MOB1A: variants seen among roughly 807,000 people sequenced by gnomAD.
MOB1A encodes MOB kinase activator 1A.
A neutral mutation model predicts 25.1 loss-of-function variants in MOB1A; 10 were observed. That is an observed-to-expected ratio of 0.40 (90% confidence interval 0.25 to 0.68). The LOEUF (loss-of-function observed/expected upper bound fraction) is 0.68. Among genes scored for constraint, MOB1A ranks in the 30% least tolerant of loss-of-function variants. The pLI is 0.40. For synonymous variants in MOB1A, 81 were observed against 79.5 expected (o/e 1.02, Z -0.10); for missense variants, 177 against 256.3 (o/e 0.69, Z 2.11).
chr2:74,172,509 G>A (rs1693321608), intron 2 of MOB1A, 77 bp downstream of exon 2: 1 of 1,396,488 alleles, frequency 7.2e-7, no homozygotes, highest in African/African-American at 1.4e-5. Flanking sequence ...AGTTCTAACT[G>A]TAAAAGAAAA....
rs927789812 is a variant in MOB1A, at chr2:74,152,686, T to C, written c.*3882A>G. 7 of 152,132 alleles carry C rather than the reference T, an allele frequency of 4.6e-5. No homozygotes were observed. Among genetic ancestry groups the C allele is most frequent in the South Asian group, 2.1e-4 (1 of 4,834 alleles). 9.4% of individuals were successfully genotyped at this position (152,132 alleles called of 1,614,324 possible). A position where few individuals can be genotyped will look rare whatever the true frequency, so the allele number is the denominator to read the frequency against. On this transcript the variant is annotated 3_prime_UTR_variant, in exon 6 of 6. Coordinates refer to ENST00000396049, the MANE Select transcript of MOB1A (RefSeq NM_018221.5). Reference sequence around the variant, plus strand: ...AGTACAGTTAACTGACTTAGAAAAATAGATAAAGCCCCTAAGGATTTTAAA... The same window carrying C: ...AGTACAGTTAACTGACTTAGAAAAACAGATAAAGCCCCTAAGGATTTTAAA...
At chr2:74,168,121 A>G (rs1194181884) in intron 2 of MOB1A, among the ~76,000 whole-genome samples, 2 of 152,172 alleles carry the variant, frequency 1.3e-5, no homozygotes, top group Admixed American at 6.5e-5. Flanking sequence ...CCTGGGTGAC[A>G]GAGACACTGT....
Position 74,155,873 on chromosome 2 carries a change from G to T in MOB1A, c.*695C>A, listed in dbSNP as rs1340119416. 1 of 152,124 alleles carries T rather than the reference G, an allele frequency of 6.6e-6. No homozygotes were observed. The highest frequency in any genetic ancestry group is 2.4e-5 in the African/African-American group (1 of 41,394). The allele number at this position is 152,124 out of a possible 1,614,324, so 9.4% of individuals were successfully genotyped here. On this transcript the variant is annotated 3_prime_UTR_variant, in exon 6 of 6. Coordinates refer to ENST00000396049, the MANE Select transcript of MOB1A (RefSeq NM_018221.5). ...TGATACACACACTCCTAATAATTTA[G>T]ATAGATATGAAAACAATCTCAAATA...
chr2:74,169,346 A>G (rs1693218318), intron 2 of MOB1A, among the ~76,000 whole-genome samples: 1 of 152,026 alleles, frequency 6.6e-6, no homozygotes, highest in African/African-American at 2.4e-5. Context: ...TACTGAAAAT[A>G]CAAAAATTAG....
At chr2:74,178,595 GT>G (rs1332716073) in intron 1 of MOB1A, 65 bp downstream of exon 1, 4 of 1,251,030 alleles carry the variant, frequency 3.2e-6, no homozygotes, top group Admixed American at 3.7e-5. Flanking sequence ...CTCGCCTCAG[GT>G]CCGGGGAGGC....
In MOB1A at chr2:74,178,684, T is replaced by C. The variant is rs764650613; in HGVS notation, c.-10A>G. On this transcript the variant is annotated 5_prime_UTR_variant, in exon 1 of 6. Coordinates refer to ENST00000396049, the MANE Select transcript of MOB1A (RefSeq NM_018221.5). ...ACAAGAGGAAGCTCATCTTCGGTCC[T>C]CAGAGGGGAGGCGAGGGGCCCCTGG... The C allele has an allele frequency of 4.5e-6, 6 of 1,336,140 alleles. No individual in the cohort carries two copies. In the South Asian group the frequency reaches 8.3e-5, roughly 19 times the overall value. 82.8% of individuals were successfully genotyped at this position (1,336,140 alleles called of 1,614,324 possible).
chr2:74,161,039 G>C (rs926689244), intron 4 of MOB1A, among the ~76,000 whole-genome samples: 1 of 152,058 alleles, frequency 6.6e-6, no homozygotes, highest in Admixed American at 6.5e-5. Context: ...CAGTCTGGGC[G>C]GCAGAGTGAG....
chr2:74,164,644 T>C (rs1202862341), intron 4 of MOB1A: 2 of 152,100 alleles, frequency 1.3e-5, no homozygotes, highest in African/African-American at 2.4e-5. Flanking sequence ...AATAGTAAGG[T>C]TGTGTACAGC....
At chr2:74,159,593 A>C (rs1692901887) in intron 4 of MOB1A, among the ~76,000 whole-genome samples, 1 of 152,080 alleles carries the variant, frequency 6.6e-6, no homozygotes, top group African/African-American at 2.4e-5. Flanking sequence ...CAGAAAGTTT[A>C]CACACTGCCA....
At chr2:74,156,696 CTG>C in intron 5 of MOB1A, 51 bp from the exon 6 acceptor site, 3 of 1,318,750 alleles carry the variant, frequency 2.3e-6, no homozygotes, top group African/African-American at 2.9e-5. Context: ...AACTGAAACT[CTG>C]TAAATGTCTT....
At chr2:74,169,496 C>T (rs148414159) in intron 2 of MOB1A, among the ~76,000 whole-genome samples, 33 of 151,154 alleles carry the variant, frequency 2.2e-4, no homozygotes, top group African/African-American at 8.0e-4. Context: ...GATACTGTCT[C>T]GAGAGAAAAT....
intron 1 of MOB1A, among the ~76,000 whole-genome samples, chr2:74,173,714 G>T (rs558133410): frequency 3.1e-4 from 47 of 151,202 alleles, no homozygotes; most frequent in African/African-American, 1.1e-3. Flanking sequence ...ACTTTGGGAG[G>T]CCGAGACGGG....
Position 74,155,608 on chromosome 2 carries a change from G to A in MOB1A, c.*960C>T, listed in dbSNP as rs6740166. 1 of 152,364 alleles carries A rather than the reference G, an allele frequency of 6.6e-6. No homozygotes were observed. The highest frequency in any genetic ancestry group is 1.5e-5 in the Non-Finnish European group (1 of 67,948). 9.4% of individuals were successfully genotyped at this position (152,364 alleles called of 1,614,324 possible). ...AGGCTCAAGAGACAATAAAAACATAGAAGTAATTTTTTAATAAAAGGAAAT... is the reference window on the plus strand; with the variant it reads ...AGGCTCAAGAGACAATAAAAACATAAAAGTAATTTTTTAATAAAAGGAAAT... On this transcript the variant is annotated 3_prime_UTR_variant, in exon 6 of 6. Transcript: ENST00000396049.
At chr2:74,165,107 G>T (rs1693090950) in intron 4 of MOB1A, 111 bp downstream of exon 4, 2 of 739,502 alleles carry the variant, frequency 2.7e-6, no homozygotes, top group South Asian at 5.8e-5. Context: ...ATCACTTGAG[G>T]CCAGGAGTTT....
intron 1 of MOB1A, chr2:74,173,328 T>C (rs1693350264): frequency 2.4e-6 from 1 of 415,886 alleles, no homozygotes; most frequent in African/African-American, 2.1e-5. Context: ...GATCTGACAC[T>C]AACTGTGTCT....
At chr2:74,173,209 T>C (rs771083617) in intron 1 of MOB1A, 36 of 517,838 alleles carry the variant, frequency 7.0e-5, no homozygotes, top group Non-Finnish European at 1.2e-4. Flanking sequence ...ATGCTTTTTT[T>C]CCCCTGCCTG....
rs142888071 is a variant in MOB1A, at chr2:74,176,323, C to T, written c.14+2338G>A. Among the ~76,000 whole-genome samples the T allele has an allele frequency of 7.3e-3, 670 of 92,288 alleles. 5 individuals carry two copies. Among genetic ancestry groups the T allele is most frequent in the African/African-American group, 0.026 (635 of 24,578 alleles). 60.5% of individuals were successfully genotyped at this position (92,288 alleles called of 152,430 possible). The stretch of plus-strand genomic sequence containing the variant: ...AGGAGGTAAAAAAGAATGATGAAAA[C>T]ACTAAAAATCATATCTGAAAAGTTT... On this transcript the variant is annotated intron_variant, in intron 1 of 5. Transcript: ENST00000396049.
intron 5 of MOB1A, among the ~76,000 whole-genome samples, chr2:74,156,920 G>A (rs1453390973): frequency 1.3e-5 from 2 of 151,806 alleles, no homozygotes; most frequent in African/African-American, 2.4e-5. Flanking sequence ...AGGATTACAG[G>A]GGTAAGCCAC....
chr2:74,176,935 A>T (rs1051217437), intron 1 of MOB1A, among the ~76,000 whole-genome samples: 16 of 152,226 alleles, frequency 1.1e-4, no homozygotes, highest in Admixed American at 3.9e-4. Flanking sequence ...CTAAGTATAT[A>T]CCCAAGAGAT....
Sources: gnomAD v4.1 joint callset for allele counts (sites outside exome capture counted in the v4.1 genomes callset) on GRCh38, gnomAD v4.1.1 for gene constraint, MANE v1.5 for transcripts, NCBI Gene and HGNC (gene_info 2026-07-23, HGNC 2026-07-21) for gene names.